The following ROR2 variants were observed in gnomAD, a reference collection of about 807,000 sequenced individuals.
ROR2 encodes ROR family WNT receptor 2, also known as tyrosine-protein kinase transmembrane receptor ROR2.
Under a neutral mutation model 74.9 loss-of-function variants are expected in ROR2, and 33 were observed. The observed-to-expected ratio is 0.44, with a 90% CI of 0.33 to 0.59. ROR2 has a LOEUF of 0.59. ROR2 is among the 20% of genes least tolerant of loss of function. The probability of loss-of-function intolerance (pLI) is 0.02; values close to 1 mark genes in which losing one functional copy is unlikely to be tolerated. For missense variants in ROR2, 1,216 were observed against 1,313.8 expected, an observed-to-expected ratio of 0.93 and a Z score of 1.15; for synonymous variants, 586 against 558.7, an observed-to-expected ratio of 1.05 and a Z score of -0.69.
chr9:91,777,565 A>G lies in ROR2; in HGVS notation c.98-1747T>C, dbSNP rs549087029. ...ACATAATTCACACACTATAAAATTC[A>G]CCATTTTAAAGTGTGCAATTGAGTG... On this transcript the variant is annotated intron_variant, in intron 1 of 8. Transcript: ENST00000375708. 2.0e-5 allele frequency among the ~76,000 whole-genome samples: 3 copies of G among 152,306 alleles called. No homozygotes were observed. The South Asian group carries it at 6.2e-4, about 32-fold the overall frequency.
At chr9:91,798,650 C>T (rs1333568869) in intron 1 of ROR2, among the ~76,000 whole-genome samples, 1 of 148,902 alleles carries the variant, frequency 6.7e-6, no homozygotes, top group Non-Finnish European at 1.5e-5. Context: ...CGAGCTGACA[C>T]CCTGGGCTCT....
At chr9:91,939,877 G>A (rs938533616) in intron 1 of ROR2, among the ~76,000 whole-genome samples, 3 of 152,130 alleles carry the variant, frequency 2.0e-5, no homozygotes, top group Non-Finnish European at 2.9e-5. Flanking sequence ...ACCAAAAGAG[G>A]GCTCCAGAAT....
intron 1 of ROR2, among the ~76,000 whole-genome samples, chr9:91,876,325 C>T (rs1332994995): frequency 6.6e-6 from 1 of 151,868 alleles, no homozygotes; most frequent in African/African-American, 2.4e-5. Context: ...GCCAAGATAG[C>T]ACCACTGCAC....
At chr9:91,740,469 G>T (rs576590325) in intron 4 of ROR2, among the ~76,000 whole-genome samples, 42 of 151,456 alleles carry the variant, frequency 2.8e-4, no homozygotes, top group African/African-American at 1.0e-3. Context: ...GGAGAATGGC[G>T]TGAACCCAGG....
intron 1 of ROR2, among the ~76,000 whole-genome samples, chr9:91,809,789 A>G (rs1827684026): frequency 6.6e-6 from 1 of 152,190 alleles, no homozygotes; most frequent in African/African-American, 2.4e-5. Flanking sequence ...CAGGCTGGTG[A>G]GGCTCCCGGC....
intron 4 of ROR2, among the ~76,000 whole-genome samples, chr9:91,754,436 C>T (rs1825679315): frequency 6.6e-6 from 1 of 151,940 alleles, no homozygotes; most frequent in African/African-American, 2.4e-5. Context: ...GTGGACGGAT[C>T]ACTTGAGGTC....
intron 1 of ROR2, among the ~76,000 whole-genome samples, chr9:91,916,061 G>C (rs1242471142): frequency 6.6e-5 from 10 of 152,200 alleles, no homozygotes; most frequent in Non-Finnish European, 7.3e-5. Flanking sequence ...TCTGTCAGCA[G>C]AGGCCCTGGG....
intron 5 of ROR2, among the ~76,000 whole-genome samples, chr9:91,736,247 T>G (rs192866334): frequency 6.6e-6 from 1 of 152,312 alleles, no homozygotes; most frequent in African/African-American, 2.4e-5. Flanking sequence ...GGCCCTGTCC[T>G]CAGAGGTCTC....
intron 1 of ROR2, among the ~76,000 whole-genome samples, chr9:91,938,999 C>T (rs1831776870): frequency 1.3e-5 from 2 of 152,136 alleles, no homozygotes; most frequent in Non-Finnish European, 1.5e-5. Flanking sequence ...GTCTGTAATT[C>T]CAGCACTGTG....
chr9:91,833,790 A>C (rs1828538712), intron 1 of ROR2, among the ~76,000 whole-genome samples: 1 of 152,078 alleles, frequency 6.6e-6, no homozygotes, highest in South Asian at 2.1e-4. Flanking sequence ...CCACGCAGCC[A>C]AGAGCAGACC....
chr9:91,901,513 GT>G (rs1237862644), intron 1 of ROR2, among the ~76,000 whole-genome samples: 1 of 152,068 alleles, frequency 6.6e-6, no homozygotes, highest in Non-Finnish European at 1.5e-5. Context: ...TCTACAGGGG[GT>G]TAAAAATAAA....
In ROR2 at chr9:91,881,545, G is replaced by A. The variant is rs1830111511; in HGVS notation, c.97+68322C>T. Among the ~76,000 whole-genome samples, 4 of 152,324 alleles carry A rather than the reference G, an allele frequency of 2.6e-5. No homozygotes were observed. In the South Asian group the frequency reaches 8.3e-4, roughly 32 times the overall value. ...GAGTCTATCAATGCTGTTAAGTGAA[G>A]ACTTACTGTTAGTACTCCTTTTTTG... On this transcript the variant is annotated intron_variant, in intron 1 of 8. Coordinates refer to ENST00000375708, the MANE Select transcript of ROR2 (RefSeq NM_004560.4).
intron 1 of ROR2, among the ~76,000 whole-genome samples, chr9:91,838,346 T>G (rs1336668973): frequency 6.6e-6 from 1 of 152,170 alleles, no homozygotes; most frequent in South Asian, 2.1e-4. Context: ...CAGGGCCAAG[T>G]GCGCACACAG....
At chr9:91,767,876 C>T (rs1345398500) in intron 2 of ROR2, among the ~76,000 whole-genome samples, 1 of 152,222 alleles carries the variant, frequency 6.6e-6, no homozygotes, top group African/African-American at 2.4e-5. Context: ...GTCCCCCAGC[C>T]ACTCATGCTG....
intron 1 of ROR2, among the ~76,000 whole-genome samples, chr9:91,830,767 AG>A (rs1244080453): frequency 2.0e-5 from 3 of 151,876 alleles, no homozygotes; most frequent in African/African-American, 4.8e-5. Context: ...TTGAAAAAAA[AG>A]TTAGTATGAA....
chr9:91,866,573 G>A (rs1019369967), intron 1 of ROR2, among the ~76,000 whole-genome samples: 3 of 151,900 alleles, frequency 2.0e-5, no homozygotes, highest in Non-Finnish European at 2.9e-5. Context: ...GCGCCACCAC[G>A]CTTAGCTAAT....
intron 1 of ROR2, among the ~76,000 whole-genome samples, chr9:91,816,641 C>T (rs1352389684): frequency 6.6e-6 from 1 of 151,492 alleles, no homozygotes; most frequent in African/African-American, 2.4e-5. Context: ...TATGCAGGGC[C>T]CTCCCTGGCA....
intron 1 of ROR2, among the ~76,000 whole-genome samples, chr9:91,852,623 A>AC (rs1491440233): frequency 0.072 from 5,586 of 77,340 alleles, 308 homozygotes; most frequent in East Asian, 0.26. Context: ...GAAAACACAC[A>AC]AACACACACA....
At chr9:91,949,834 C>G (rs546642981) in intron 1 of ROR2, 33 bp downstream of exon 1, 2 of 1,336,426 alleles carry the variant, frequency 1.5e-6, no homozygotes, top group Non-Finnish European at 2.1e-6. Flanking sequence ...CGTGAGCTAC[C>G]GTCTGCGCAC....
Sources: gnomAD v4.1 joint callset for allele counts (sites outside exome capture counted in the v4.1 genomes callset) on GRCh38, gnomAD v4.1.1 for gene constraint, MANE v1.5 for transcripts, NCBI Gene and HGNC (gene_info 2026-07-23, HGNC 2026-07-21) for gene names.